Variants in ARMH4 observed in about 807,000 individuals in gnomAD.
ARMH4 encodes the protein armadillo-like helical domain-containing protein 4.
Under a neutral mutation model 61.9 loss-of-function variants are expected in ARMH4, and 49 were observed. The observed-to-expected ratio is 0.79, with a 90% confidence interval of 0.63 to 1.00. The LOEUF (loss-of-function observed/expected upper bound fraction) is 1.00, where lower values mean the gene tolerates loss of function less well. Ranked by LOEUF, ARMH4 falls within the 50% of genes least tolerant of loss-of-function variation. The pLI is 0.00. For missense variants in ARMH4, 934 were observed against 930.0 expected (o/e 1.00, Z -0.06); for synonymous variants, 368 against 341.5 (o/e 1.08, Z -0.85).
intron 2 of ARMH4, among the ~76,000 whole-genome samples, chr14:58,136,656 G>A (rs1274890698): frequency 6.6e-6 from 1 of 152,146 alleles, no homozygotes; most frequent in Non-Finnish European, 1.5e-5. Flanking sequence ...CTACTTGGCT[G>A]AAGTAACACG....
chr14:58,132,459 C>A (rs181522412), intron 3 of ARMH4, among the ~76,000 whole-genome samples: 99 of 148,102 alleles, frequency 6.7e-4, no homozygotes, highest in African/African-American at 2.5e-3. Flanking sequence ...TTTTTCACCT[C>A]ATCCCCCCCG....
intron 5 of ARMH4, among the ~76,000 whole-genome samples, chr14:58,024,313 T>A (rs1882947221): frequency 6.6e-6 from 1 of 152,176 alleles, no homozygotes; most frequent in Non-Finnish European, 1.5e-5. Context: ...CTCTGTACTT[T>A]TATATTATGG....
In ARMH4 at chr14:58,048,244, T is replaced by G. The variant is rs181007062; in HGVS notation, c.2090-36094A>C. 1.8e-3 allele frequency among the ~76,000 whole-genome samples: 276 copies of G among 152,348 alleles called. 2 individuals carry two copies. The highest frequency in any genetic ancestry group is 3.4e-3 in the Non-Finnish European group (230 of 68,028). ...AGACCCCTTATCAAAGACAACTGCA[T>G]CTTTTATCTTCTCATCTGCCAGGCC... is the stretch of plus-strand genomic sequence containing the variant. On this transcript the variant is annotated intron_variant, in intron 5 of 7. Coordinates refer to ENST00000267485, the MANE Select transcript of ARMH4 (RefSeq NM_001001872.4).
intron 2 of ARMH4, among the ~76,000 whole-genome samples, chr14:58,134,888 C>T (rs1278156679): frequency 2.1e-5 from 3 of 144,962 alleles, no homozygotes; most frequent in Non-Finnish European, 4.5e-5. Flanking sequence ...ACCCAGGAGG[C>T]GGAGGTTGCA....
intron 5 of ARMH4, among the ~76,000 whole-genome samples, chr14:58,021,134 C>A (rs1882811878): frequency 6.6e-6 from 1 of 152,180 alleles, no homozygotes; most frequent in African/African-American, 2.4e-5. Context: ...ATGAAGCCCA[C>A]CTACATTAGG....
chr14:58,103,548 C>G (rs556985669), intron 4 of ARMH4, among the ~76,000 whole-genome samples: 1 of 151,584 alleles, frequency 6.6e-6, no homozygotes, highest in African/African-American at 2.4e-5. Flanking sequence ...TACTTAAAAA[C>G]TTTGTGGACC....
intron 4 of ARMH4, among the ~76,000 whole-genome samples, chr14:58,123,755 G>C (rs1477227190): frequency 2.6e-5 from 4 of 152,120 alleles, no homozygotes; most frequent in African/African-American, 9.7e-5. Flanking sequence ...AAGGGTTCAG[G>C]GATAGCCCCC....
At chr14:58,013,947 C>T (rs1462080073) in intron 5 of ARMH4, among the ~76,000 whole-genome samples, 1 of 151,940 alleles carries the variant, frequency 6.6e-6, no homozygotes, top group Non-Finnish European at 1.5e-5. Flanking sequence ...TCACTTGAAC[C>T]CAGAAGGCAG....
chr14:58,011,782 A>AAAAAC (rs71107903), intron 6 of ARMH4, among the ~76,000 whole-genome samples: 4,224 of 146,492 alleles, frequency 0.029, 109 homozygotes, highest in South Asian at 0.044. Flanking sequence ...AAAAAAAAAA[A>AAAAAC]CAGATGGAAT....
chr14:58,073,826 G>A (rs989525351), intron 5 of ARMH4, among the ~76,000 whole-genome samples: 6 of 152,178 alleles, frequency 3.9e-5, no homozygotes, highest in South Asian at 2.1e-4. Context: ...GAACTATCCT[G>A]AGCCTCAGTG....
chr14:58,013,913 G>C (rs1354582669), intron 5 of ARMH4, among the ~76,000 whole-genome samples: 1 of 151,970 alleles, frequency 6.6e-6, no homozygotes, highest in Non-Finnish European at 1.5e-5. Context: ...TGTAATCGCA[G>C]CTCAGGAGAC....
chr14:58,104,508 A>G (rs899538267), intron 4 of ARMH4, among the ~76,000 whole-genome samples: 1 of 152,200 alleles, frequency 6.6e-6, no homozygotes, highest in Non-Finnish European at 1.5e-5. Flanking sequence ...CTTTTAGCCT[A>G]CCTTATTCTC....
intron 4 of ARMH4, among the ~76,000 whole-genome samples, chr14:58,123,944 C>T (rs1238157557): frequency 1.3e-5 from 2 of 148,406 alleles, no homozygotes; most frequent in African/African-American, 2.5e-5. Flanking sequence ...CCAAACCAAA[C>T]GCTCAGCACT....
chr14:58,062,271 T>C (rs904291734), intron 5 of ARMH4, among the ~76,000 whole-genome samples: 3 of 152,154 alleles, frequency 2.0e-5, no homozygotes, highest in Admixed American at 1.3e-4. Flanking sequence ...CACAGGAGTT[T>C]GAGGCTGCAG....
chr14:58,108,756 C>T (rs1412806623), intron 4 of ARMH4, among the ~76,000 whole-genome samples: 2 of 152,088 alleles, frequency 1.3e-5, no homozygotes, highest in Non-Finnish European at 2.9e-5. Context: ...AGGGTACATT[C>T]CTAAAAGTGG....
At chr14:58,104,143 T>C (rs1157268774) in intron 4 of ARMH4, among the ~76,000 whole-genome samples, 1 of 152,180 alleles carries the variant, frequency 6.6e-6, no homozygotes, top group Non-Finnish European at 1.5e-5. Context: ...TTGGTAGAGA[T>C]TTCCTTCTCC....
At chr14:58,128,543 G>A (rs1865226915) in intron 4 of ARMH4, among the ~76,000 whole-genome samples, 1 of 152,210 alleles carries the variant, frequency 6.6e-6, no homozygotes, top group Admixed American at 6.5e-5. Flanking sequence ...AATGTAACAG[G>A]CAAGGTGAAA....
intron 4 of ARMH4, among the ~76,000 whole-genome samples, chr14:58,110,702 A>G (rs1008883033): frequency 1.3e-5 from 2 of 152,048 alleles, no homozygotes; most frequent in African/African-American, 4.8e-5. Flanking sequence ...CATGATATCA[A>G]TTCTTTAAAA....
intron 4 of ARMH4, among the ~76,000 whole-genome samples, chr14:58,119,113 A>G (rs1886633747): frequency 6.6e-6 from 1 of 152,212 alleles, no homozygotes; most frequent in Non-Finnish European, 1.5e-5. Context: ...GGCAAAATCA[A>G]TGTAAATCTT....
Sources: gnomAD v4.1 joint callset for allele counts (sites outside exome capture counted in the v4.1 genomes callset) on GRCh38, gnomAD v4.1.1 for gene constraint, MANE v1.5 for transcripts, NCBI Gene and HGNC (gene_info 2026-07-23, HGNC 2026-07-21) for gene names.